Variants in NDST3 observed in about 807,000 individuals in gnomAD.
The protein encoded by NDST3 is N-deacetylase and N-sulfotransferase 3.
NDST3 carries 58 observed loss-of-function variants against 96.1 expected under a neutral mutation model. The observed-to-expected ratio is 0.60, with a 90% CI of 0.49 to 0.75. NDST3 has a LOEUF of 0.75. Ranked by LOEUF, NDST3 falls within the 30% of genes least tolerant of loss-of-function variation. The pLI, the probability that NDST3 is intolerant of heterozygous loss-of-function variation, is 0.00. For missense variants in NDST3, 788 were observed against 1,034.2 expected (o/e 0.76, Z 3.27); for synonymous variants, 333 against 359.7 (o/e 0.93, Z 0.84).
At chr4:118,057,318 T>C (rs1405517968) in intron 2 of NDST3, among the ~76,000 whole-genome samples, 1 of 151,932 alleles carries the variant, frequency 6.6e-6, no homozygotes, top group Non-Finnish European at 1.5e-5. Context: ...AATTTCAGTT[T>C]TATTAAAGTC....
Position 118,208,936 on chromosome 4 carries a change from A to G in NDST3, c.1540-15555A>G, listed in dbSNP as rs545750383. Among the ~76,000 whole-genome samples the G allele has an allele frequency of 1.7e-4, 22 of 130,642 alleles. 4 individuals carry two copies. The South Asian group carries it at 5.8e-3, about 34-fold the overall frequency. The allele number at this position is 130,642 out of a possible 152,430, so 85.7% of individuals were successfully genotyped here. A position where few individuals can be genotyped will look rare whatever the true frequency, so the allele number is the denominator to read the frequency against. ...GGTATTTTGATAACCCTCTCCCCCC[A>G]GAGTGAATTCAGCCTTATGAGCAAA... On this transcript the variant is annotated intron_variant, in intron 6 of 13. Transcript: ENST00000296499.
chr4:118,077,091 C>T (rs1358007025), intron 2 of NDST3, among the ~76,000 whole-genome samples: 1 of 152,206 alleles, frequency 6.6e-6, no homozygotes, highest in Non-Finnish European at 1.5e-5. Flanking sequence ...CATGCTCTAA[C>T]TCTGAGGAAC....
chr4:118,100,696 A>T (rs893759342), intron 2 of NDST3, among the ~76,000 whole-genome samples: 4 of 152,130 alleles, frequency 2.6e-5, no homozygotes, highest in Admixed American at 1.3e-4. Context: ...GTTTCCATGG[A>T]CAACAGAAGC....
chr4:118,244,273 T>C (rs1741174847), intron 12 of NDST3, among the ~76,000 whole-genome samples: 4 of 152,224 alleles, frequency 2.6e-5, no homozygotes, highest in Admixed American at 2.6e-4. Context: ...ATCTGAAACC[T>C]GTCTTCACAA....
intron 9 of NDST3, among the ~76,000 whole-genome samples, chr4:118,235,431 T>G (rs113664355): frequency 9.3e-4 from 142 of 152,268 alleles, no homozygotes; most frequent in Non-Finnish European, 1.6e-3. Context: ...TGCCCTGCCC[T>G]CTCCATGAGC....
At chr4:118,162,322 A>G (rs576207705) in intron 6 of NDST3, among the ~76,000 whole-genome samples, 99 of 152,330 alleles carry the variant, frequency 6.5e-4, no homozygotes, top group Non-Finnish European at 1.0e-3. Context: ...ACAAAGCTGG[A>G]GGCATCACGC....
intron 12 of NDST3, among the ~76,000 whole-genome samples, chr4:118,251,380 C>T (rs1158217586): frequency 1.3e-5 from 2 of 151,758 alleles, no homozygotes; most frequent in African/African-American, 2.4e-5. Context: ...CCTGCCTCGG[C>T]CTTATAATTT....
intron 12 of NDST3, among the ~76,000 whole-genome samples, chr4:118,250,450 A>T (rs1320594898): frequency 6.6e-6 from 1 of 150,838 alleles, no homozygotes; most frequent in Non-Finnish European, 1.5e-5. Context: ...TTCATTGACC[A>T]TTCATATGTG....
intron 6 of NDST3, among the ~76,000 whole-genome samples, chr4:118,165,315 T>C (rs1012204778): frequency 2.0e-5 from 3 of 151,780 alleles, no homozygotes; most frequent in Non-Finnish European, 4.4e-5. Flanking sequence ...AGTCCAAAAC[T>C]GTCACACAAA....
chr4:118,200,547 G>T (rs1250972336), intron 6 of NDST3, among the ~76,000 whole-genome samples: 2 of 152,190 alleles, frequency 1.3e-5, no homozygotes, highest in Admixed American at 1.3e-4. Flanking sequence ...CTACCCAGCT[G>T]TAGGGCCTAC....
chr4:118,236,399 A>G (rs1197451368), intron 9 of NDST3, among the ~76,000 whole-genome samples: 1 of 152,186 alleles, frequency 6.6e-6, no homozygotes, highest in East Asian at 1.9e-4. Flanking sequence ...ATAGAACATG[A>G]CCTTGGGAAA....
At chr4:118,185,371 G>A (rs969554967) in intron 6 of NDST3, among the ~76,000 whole-genome samples, 2 of 151,528 alleles carry the variant, frequency 1.3e-5, no homozygotes, top group Non-Finnish European at 2.9e-5. Flanking sequence ...ATGCACTGGT[G>A]TAATAAAATT....
At chr4:118,171,967 C>T (rs1735982912) in intron 6 of NDST3, among the ~76,000 whole-genome samples, 1 of 152,182 alleles carries the variant, frequency 6.6e-6, no homozygotes, top group Non-Finnish European at 1.5e-5. Context: ...GCTGATTCTA[C>T]TCTGTGCTTC....
chr4:118,080,593 A>G (rs1727931898), intron 2 of NDST3, among the ~76,000 whole-genome samples: 1 of 152,158 alleles, frequency 6.6e-6, no homozygotes, highest in African/African-American at 2.4e-5. Flanking sequence ...GTTCTGGATC[A>G]CAAACTGCCC....
intron 1 of NDST3, among the ~76,000 whole-genome samples, chr4:118,045,345 G>A (rs934844495): frequency 6.6e-6 from 1 of 151,960 alleles, no homozygotes; most frequent in Admixed American, 6.6e-5. Flanking sequence ...TATAGTCATT[G>A]TCTCTAATCC....
At chr4:118,254,749 G>T (rs631271) in intron 13 of NDST3, among the ~76,000 whole-genome samples, 2 of 151,912 alleles carry the variant, frequency 1.3e-5, no homozygotes, top group African/African-American at 4.8e-5. Flanking sequence ...ACCCTAAGAT[G>T]GTCTGAGGAT....
At chr4:118,159,580 G>A (rs1025748505) in intron 6 of NDST3, among the ~76,000 whole-genome samples, 4 of 152,112 alleles carry the variant, frequency 2.6e-5, no homozygotes, top group Non-Finnish European at 5.9e-5. Flanking sequence ...AACAAAATAA[G>A]TCTCCAGAAA....
At chr4:118,068,570 T>C (rs1726789695) in intron 2 of NDST3, among the ~76,000 whole-genome samples, 1 of 152,070 alleles carries the variant, frequency 6.6e-6, no homozygotes, top group Admixed American at 6.6e-5. Context: ...TGCTTAAAAA[T>C]GCAGATTCCC....
At chr4:118,078,357 A>G (rs185597397) in intron 2 of NDST3, among the ~76,000 whole-genome samples, 2 of 152,288 alleles carry the variant, frequency 1.3e-5, no homozygotes, top group African/African-American at 4.8e-5. Flanking sequence ...CCACATTTTT[A>G]TAGACTGAAA....
Sources: allele counts gnomAD v4.1 joint callset (sites outside exome capture counted in the v4.1 genomes callset), GRCh38; gene constraint gnomAD v4.1.1; transcripts MANE v1.5; gene names NCBI Gene and HGNC (gene_info 2026-07-23, HGNC 2026-07-21).